Variants in POLR3A observed in about 807,000 individuals in gnomAD.
The protein encoded by POLR3A is RNA polymerase III subunit A, also known as DNA-directed RNA polymerase III subunit RPC1.
In POLR3A, 112 loss-of-function variants were observed where a neutral mutation model predicts 152.8. The observed-to-expected ratio is 0.73, with a 90% CI of 0.63 to 0.86. The LOEUF (loss-of-function observed/expected upper bound fraction) is 0.86, where lower values mean the gene tolerates loss of function less well. Ranked by LOEUF, POLR3A falls within the 40% of genes least tolerant of loss-of-function variation. The pLI is 0.00. For missense variants in POLR3A, 1,385 were observed against 1,743.1 expected, an observed-to-expected ratio of 0.79 and a Z score of 3.66; for synonymous variants, 615 against 652.1, an observed-to-expected ratio of 0.94 and a Z score of 0.87.
intron 19 of POLR3A, among the ~76,000 whole-genome samples, 176 bp from the exon 20 acceptor site, chr10:77,993,543 C>T (rs1847269945): frequency 6.6e-6 from 1 of 152,150 alleles, no homozygotes; most frequent in Non-Finnish European, 1.5e-5. Context: ...GCAAGAATGC[C>T]TTACTAGCCT....
intron 19 of POLR3A, among the ~76,000 whole-genome samples, chr10:77,998,945 T>A (rs963291215): frequency 2.6e-5 from 4 of 152,152 alleles, no homozygotes; most frequent in Admixed American, 1.3e-4. Flanking sequence ...ATGTGGCACA[T>A]ACACACCATG....
rs147987048 is a variant in POLR3A, at chr10:77,985,294, T to C, written c.3118A>G (p.Ser1040Gly). 1 of 1,614,062 alleles carries C rather than the reference T, an allele frequency of 6.2e-7. No homozygotes were observed. Among genetic ancestry groups the C allele is most frequent in the Non-Finnish European group, 8.5e-7 (1 of 1,179,928 alleles). Residue 1040 changes from serine (S) to glycine (G), a missense_variant, in exon 24 of 31, where the codon AGC becomes GGC. Ser to Gly is a moderately conservative substitution (Grantham distance 56). This residue lies in a region of POLR3A where 22 missense variants were observed against 59.7 expected (regional missense o/e 0.37). Coordinates refer to ENST00000372371, the MANE Select transcript of POLR3A (RefSeq NM_007055.4). ...GSAVGALCAQSIGEPGTQMTL... is the reference protein window; with the variant it reads ...GSAVGALCAQGIGEPGTQMTL... ...ATCTGGGTGCCTGGCTCACCAATGC[T>C]CTGGGCACACAGAGCACCCACTGCA...
intron 10 of POLR3A, among the ~76,000 whole-genome samples, chr10:78,015,147 T>C (rs566350982): frequency 6.6e-6 from 1 of 152,336 alleles, no homozygotes; most frequent in African/African-American, 2.4e-5. Flanking sequence ...TGTGGTTATG[T>C]AAGTTTTTCT....
In POLR3A at chr10:77,977,346, A is replaced by G; in HGVS notation, c.*132T>C. The G allele has an allele frequency of 3.3e-6, 3 of 909,748 alleles. No individual in the cohort carries two copies. The Admixed American group carries it at 5.2e-5, about 16-fold the overall frequency. The allele number at this position is 909,748 out of a possible 1,614,324, so 56.4% of individuals were successfully genotyped here. On this transcript the variant is annotated 3_prime_UTR_variant, in exon 31 of 31. Coordinates refer to ENST00000372371, the MANE Select transcript of POLR3A (RefSeq NM_007055.4). ...GGAGAAGCTGCTCCTGGGGATGCCA[A>G]GAGGGCTTCTCTGATTGCTGGCATA... is the stretch of plus-strand genomic sequence containing the variant.
At chr10:77,991,208 C>G (rs1455790246) in intron 20 of POLR3A, 41 bp from the exon 21 acceptor site, 3 of 1,149,806 alleles carry the variant, frequency 2.6e-6, no homozygotes, top group Non-Finnish European at 4.0e-6. Flanking sequence ...GTGGGTGCCA[C>G]AGAGAGCAGG....
chr10:78,025,964 G>C (rs1420550144), intron 2 of POLR3A, 130 bp downstream of exon 2: 1 of 1,270,604 alleles, frequency 7.9e-7, no homozygotes, highest in Non-Finnish European at 1.1e-6. Flanking sequence ...CGGAGTTCTT[G>C]ACCTAGTCTA....
chr10:78,025,355 C>T (rs959166171), intron 3 of POLR3A, among the ~76,000 whole-genome samples: 1 of 152,126 alleles, frequency 6.6e-6, no homozygotes, highest in Non-Finnish European at 1.5e-5. Flanking sequence ...TTACCTTTAT[C>T]TTTTTCTTTG....
In POLR3A at chr10:78,020,689, G is replaced by A. The variant is rs1847570952; in HGVS notation, c.1185+857C>T. On this transcript the variant is annotated intron_variant, in intron 8 of 30. Transcript: ENST00000372371. Reference sequence around the variant, plus strand: ...TGTAGTCCCAGCTACTCGGGAGGCTGAGGCAGGAGAATGGCGTGAACCTGG... The same window carrying A: ...TGTAGTCCCAGCTACTCGGGAGGCTAAGGCAGGAGAATGGCGTGAACCTGG... Among the ~76,000 whole-genome samples the A allele has an allele frequency of 2.6e-5, 4 of 152,126 alleles. No individual in the cohort carries two copies. The South Asian group carries it at 6.2e-4, about 24-fold the overall frequency.
chr10:78,018,385 G>A (rs1033294355), intron 9 of POLR3A, among the ~76,000 whole-genome samples: 1 of 151,516 alleles, frequency 6.6e-6, no homozygotes. Flanking sequence ...TGTAATCCCA[G>A]CTACTCGGGT....
intron 10 of POLR3A, among the ~76,000 whole-genome samples, chr10:78,015,319 A>G (rs1468851908): frequency 6.6e-6 from 1 of 152,052 alleles, no homozygotes; most frequent in African/African-American, 2.4e-5. Flanking sequence ...TTTAGTGTAC[A>G]TTTGAAAATT....
In POLR3A at chr10:77,981,471, T is replaced by G; in HGVS notation, c.3848A>C (p.Asp1283Ala). 1 of 1,614,032 alleles carries G rather than the reference T, an allele frequency of 6.2e-7. No homozygotes were observed. The highest frequency in any genetic ancestry group is 8.5e-7 in the Non-Finnish European group (1 of 1,179,946). Residue 1283 changes from aspartate to alanine, a missense_variant, in exon 29 of 31, where the codon GAC becomes GCC. This residue lies in a region of POLR3A where 332 missense variants were observed against 400.1 expected (regional missense o/e 0.83). Transcript: ENST00000372371. ...GGAGAGCAGCATCACGTGCCTCCTG[T>G]CGATGCTCATGCCGTGGTTCACCAT... ...YTMVNHGMSI[D>A]RRHVMLLSDL...
intron 1 of POLR3A, among the ~76,000 whole-genome samples, chr10:78,027,064 C>T (rs1016453740): frequency 4.6e-5 from 7 of 152,234 alleles, no homozygotes; most frequent in African/African-American, 1.2e-4. Flanking sequence ...CACAAACAAA[C>T]GAATATACAA....
chr10:77,994,079 A>G (rs1847274464), intron 19 of POLR3A, among the ~76,000 whole-genome samples: 1 of 152,254 alleles, frequency 6.6e-6, no homozygotes, highest in African/African-American at 2.4e-5. Flanking sequence ...AAAATTAAGT[A>G]AAAACACACA....
At chr10:77,989,033 G>C (rs1167785666) in intron 21 of POLR3A, among the ~76,000 whole-genome samples, 1 of 150,492 alleles carries the variant, frequency 6.6e-6, no homozygotes, top group Non-Finnish European at 1.5e-5. Context: ...CACCCCAATG[G>C]ACACATTTCC....
intron 15 of POLR3A, among the ~76,000 whole-genome samples, chr10:78,005,513 A>G (rs1847402517): frequency 6.6e-6 from 1 of 152,232 alleles, no homozygotes; most frequent in Admixed American, 6.5e-5. Context: ...TAGCCACAAT[A>G]TACTGTATGT....
chr10:78,010,508 C>T lies in POLR3A; in HGVS notation c.1605G>A (p.Gly535=), dbSNP rs988649580. Residue 535 remains glycine, a synonymous_variant, in exon 12 of 31, where the codon GGG becomes GGA. Transcript: ENST00000372371. ...CCTGAATAGCAGCAATCAGCGGTTC[C>T]CCATTCCTCGGGGTTACAAGATTTG... is the stretch of plus-strand genomic sequence containing the variant. ...TKANLVTPRN[G]EPLIAAIQDF... is the part of the protein sequence containing the mutation. The T allele has an allele frequency of 6.2e-6, 10 of 1,613,962 alleles. No homozygotes were observed. The Admixed American group carries it at 6.7e-5, about 11-fold the overall frequency.
In POLR3A at chr10:78,000,025, G is replaced by A. The variant is rs187721819; in HGVS notation, c.2572C>T (p.Leu858=). The A allele has an allele frequency of 1.9e-6, 3 of 1,614,070 alleles. No individual in the cohort carries two copies. In the African/African-American group the frequency reaches 4.0e-5, roughly 22 times the overall value. Residue 858 remains leucine, a synonymous_variant, in exon 19 of 31, where the codon CTA becomes TTA. Transcript: ENST00000372371. ...GCTGTCTTTACAGCCGTGTCGACTA[G>A]ACCTTCCCGGCCGGCCATTGTGTGG... ...FFHTMAGREG[L]VDTAVKTAET...
At chr10:77,998,222 G>A (rs1030207218) in intron 19 of POLR3A, among the ~76,000 whole-genome samples, 1 of 151,456 alleles carries the variant, frequency 6.6e-6, no homozygotes, top group Non-Finnish European at 1.5e-5. Flanking sequence ...CTAGGCAATA[G>A]CATTCAGGAC....
At position 77,981,440 on chromosome 10, in the gene POLR3A, G is replaced by A. The variant is rs1418000072; in HGVS notation, c.3879C>T (p.Leu1293=). ...CCTGCCCACATACCTTGTAGGTCAT[G>A]AGGTCGGAGAGCAGCATCACGTGCC... is the stretch of plus-strand genomic sequence containing the variant. ...DRRHVMLLSD[L]MTYKGEVLGI... Residue 1293 remains leucine, a synonymous_variant, in exon 29 of 31, where the codon CTC becomes CTT. Coordinates refer to ENST00000372371, the MANE Select transcript of POLR3A (RefSeq NM_007055.4). 1.2e-6 allele frequency: 2 copies of A among 1,614,092 alleles called. No homozygotes were observed. The highest frequency in any genetic ancestry group is 1.7e-6 in the Non-Finnish European group (2 of 1,179,962).
Sources: allele counts gnomAD v4.1 joint callset (sites outside exome capture counted in the v4.1 genomes callset), GRCh38; gene constraint gnomAD v4.1.1; regional missense constraint gnomAD v4.1.1; transcripts MANE v1.5; gene names NCBI Gene and HGNC (gene_info 2026-07-23, HGNC 2026-07-21).